NEGR1: variants seen among roughly 807,000 people sequenced by gnomAD.
NEGR1 encodes the protein IgLON family member 4.
Under a neutral mutation model 40.9 loss-of-function variants are expected in NEGR1, and 10 were observed. The ratio of observed to expected loss-of-function variants is 0.24; its 90% CI spans 0.15 to 0.42. The LOEUF (loss-of-function observed/expected upper bound fraction) is 0.42. Among genes scored for constraint, NEGR1 ranks in the 10% least tolerant of loss-of-function variants. The pLI, the probability that NEGR1 is intolerant of heterozygous loss-of-function variation, is 1.00. For synonymous variants in NEGR1, 185 were observed against 166.8 expected, an observed-to-expected ratio of 1.11 and a Z score of -0.84; for missense variants, 352 against 438.9, an observed-to-expected ratio of 0.80 and a Z score of 1.77.
chr1:71,565,770 G>A (rs1299441411), intron 6 of NEGR1, among the ~76,000 whole-genome samples: 2 of 152,140 alleles, frequency 1.3e-5, no homozygotes, highest in African/African-American at 4.8e-5. Context: ...ACCAGACTAG[G>A]TTGGAGAGGA....
intron 5 of NEGR1, among the ~76,000 whole-genome samples, chr1:71,599,471 G>C (rs962316994): frequency 6.6e-6 from 1 of 152,182 alleles, no homozygotes; most frequent in Non-Finnish European, 1.5e-5. Context: ...AGCAAGAACT[G>C]CTAGATACCA....
At chr1:71,606,422 C>T (rs925202190) in intron 5 of NEGR1, among the ~76,000 whole-genome samples, 3 of 152,146 alleles carry the variant, frequency 2.0e-5, no homozygotes, top group African/African-American at 4.8e-5. Context: ...GGAGTGATAA[C>T]CATCCAGCCA....
At chr1:71,974,247 G>T (rs961219092) in intron 1 of NEGR1, among the ~76,000 whole-genome samples, 8 of 152,094 alleles carry the variant, frequency 5.3e-5, no homozygotes, top group African/African-American at 1.9e-4. Context: ...TCTCTGTAGG[G>T]ATTCAAAGTA....
At position 71,665,835 on chromosome 1, in the gene NEGR1, C is replaced by T. The variant is rs533547878; in HGVS notation, c.667+32173G>A. On this transcript the variant is annotated intron_variant, in intron 4 of 6. Transcript: ENST00000357731. ...TATAGATAGAACACGTGTTCCATAC[C>T]TCCTATGGCTCTAGTTATCCTCCTC... Among the ~76,000 whole-genome samples the T allele has an allele frequency of 1.0e-3, 158 of 152,152 alleles. 1 individual carries two copies. Among genetic ancestry groups the T allele is most frequent in the African/African-American group, 3.7e-3 (155 of 41,506 alleles).
chr1:71,809,107 G>A (rs992581284), intron 2 of NEGR1, among the ~76,000 whole-genome samples: 8 of 152,160 alleles, frequency 5.3e-5, no homozygotes, highest in Admixed American at 4.6e-4. Flanking sequence ...GGGGGGCACT[G>A]ATAAGTGATG....
At chr1:71,512,670 C>T (rs1647083508) in intron 6 of NEGR1, among the ~76,000 whole-genome samples, 1 of 151,312 alleles carries the variant, frequency 6.6e-6, no homozygotes, top group Admixed American at 6.6e-5. Context: ...ACAACCTGTG[C>T]CTCCCAGGTT....
chr1:71,605,035 C>T (rs78085588), intron 5 of NEGR1, among the ~76,000 whole-genome samples: 4,029 of 151,964 alleles, frequency 0.027, 69 homozygotes, highest in South Asian at 0.043. Flanking sequence ...TCATTTGCAA[C>T]GTTTTCATCC....
At chr1:71,586,279 C>T (rs1453945560) in intron 6 of NEGR1, among the ~76,000 whole-genome samples, 2 of 152,092 alleles carry the variant, frequency 1.3e-5, no homozygotes, top group Non-Finnish European at 2.9e-5. Context: ...AGTGAAAAAA[C>T]TGGTTTAGAC....
chr1:71,658,130 T>A (rs1011207006), intron 4 of NEGR1, among the ~76,000 whole-genome samples: 1 of 152,216 alleles, frequency 6.6e-6, no homozygotes, highest in Non-Finnish European at 1.5e-5. Context: ...TGTATTATGT[T>A]GAAAGTTGTT....
intron 1 of NEGR1, among the ~76,000 whole-genome samples, chr1:72,258,191 C>CT (rs1655336631): frequency 6.6e-6 from 1 of 152,156 alleles, no homozygotes. Flanking sequence ...ACCTAGATTT[C>CT]TTTTTTGGTT....
Position 72,022,930 on chromosome 1 carries a change from G to C in NEGR1, c.177-87619C>G, listed in dbSNP as rs187343726. ...GGTGACAAGGACTCATATAGCAAAA[G>C]AAACAACCAAAGTAGTAAGAATAAA... On this transcript the variant is annotated intron_variant, in intron 1 of 6. Coordinates refer to ENST00000357731, the MANE Select transcript of NEGR1 (RefSeq NM_173808.3). Among the ~76,000 whole-genome samples, 281 of 152,166 alleles carry C rather than the reference G, an allele frequency of 1.8e-3. 3 individuals are homozygous for C. The highest frequency in any genetic ancestry group is 6.7e-3 in the African/African-American group (278 of 41,526).
At chr1:71,528,684 G>A (rs969499873) in intron 6 of NEGR1, among the ~76,000 whole-genome samples, 1 of 151,074 alleles carries the variant, frequency 6.6e-6, no homozygotes, top group African/African-American at 2.4e-5. Flanking sequence ...ATTAAATTCT[G>A]TTTTTTCAAA....
At chr1:72,056,364 G>A (rs941493584) in intron 1 of NEGR1, among the ~76,000 whole-genome samples, 1 of 151,136 alleles carries the variant, frequency 6.6e-6, no homozygotes, top group Non-Finnish European at 1.5e-5. Flanking sequence ...ATACAAGGAG[G>A]GTTACTTTGC....
chr1:71,538,510 A>T (rs1647584252), intron 6 of NEGR1, among the ~76,000 whole-genome samples: 1 of 151,608 alleles, frequency 6.6e-6, no homozygotes, highest in Admixed American at 6.6e-5. Flanking sequence ...GTCATTGTGG[A>T]GTGGAAGCAA....
chr1:71,776,557 G>A (rs1294598646), intron 2 of NEGR1, among the ~76,000 whole-genome samples: 1 of 152,040 alleles, frequency 6.6e-6, no homozygotes, highest in Non-Finnish European at 1.5e-5. Flanking sequence ...TTTAAACATT[G>A]ATTAAATATG....
intron 1 of NEGR1, among the ~76,000 whole-genome samples, chr1:72,022,829 T>C (rs1569839582): frequency 6.6e-6 from 1 of 152,142 alleles, no homozygotes; most frequent in African/African-American, 2.4e-5. Context: ...AATCTACAAA[T>C]TCATAATTAA....
At chr1:71,664,567 G>A (rs544222700) in intron 4 of NEGR1, among the ~76,000 whole-genome samples, 1 of 152,190 alleles carries the variant, frequency 6.6e-6, no homozygotes, top group East Asian at 1.9e-4. Flanking sequence ...AAGGGAGGGA[G>A]ATGAGTGTGT....
chr1:72,078,975 T>C (rs1189159291), intron 1 of NEGR1, among the ~76,000 whole-genome samples: 1 of 151,308 alleles, frequency 6.6e-6, no homozygotes, highest in Non-Finnish European at 1.5e-5. Flanking sequence ...CATTTCAACA[T>C]ATAAATCCTA....
intron 2 of NEGR1, among the ~76,000 whole-genome samples, chr1:71,921,454 A>G (rs1645716106): frequency 6.6e-6 from 1 of 151,584 alleles, no homozygotes; most frequent in Non-Finnish European, 1.5e-5. Context: ...AGCAGGACCA[A>G]CCCCTCTTCT....
Sources: allele counts gnomAD v4.1 joint callset (sites outside exome capture counted in the v4.1 genomes callset), GRCh38; gene constraint gnomAD v4.1.1; transcripts MANE v1.5; gene names NCBI Gene and HGNC (gene_info 2026-07-23, HGNC 2026-07-21).